CNTN5: variants seen among roughly 807,000 people sequenced by gnomAD.
CNTN5 encodes contactin 5.
A neutral mutation model predicts 129.1 loss-of-function variants in CNTN5; 77 were observed. The observed-to-expected ratio is 0.60, with a 90% CI of 0.50 to 0.72. The LOEUF is 0.72. Among genes scored for constraint, CNTN5 ranks in the 30% least tolerant of loss-of-function variants. The probability of loss-of-function intolerance (pLI) is 0.00; values close to 1 mark genes in which losing one functional copy is unlikely to be tolerated. For missense variants in CNTN5, 1,478 were observed against 1,328.8 expected (o/e 1.11, Z -1.75); for synonymous variants, 509 against 465.6 (o/e 1.09, Z -1.20).
chr11:100,200,886 A>G (rs1363806144), intron 15 of CNTN5, among the ~76,000 whole-genome samples: 2 of 151,938 alleles, frequency 1.3e-5, no homozygotes, highest in Admixed American at 6.6e-5. Context: ...CTAGGACTGT[A>G]TATGTTTTCT....
chr11:99,985,932 C>A (rs1310736990), intron 8 of CNTN5, among the ~76,000 whole-genome samples: 1 of 151,362 alleles, frequency 6.6e-6, no homozygotes, highest in East Asian at 1.9e-4. Flanking sequence ...ATCTTAGCCA[C>A]CCTTTCCTGT....
At chr11:99,450,768 G>GTTTTTTTTT (rs34146715) in intron 2 of CNTN5, among the ~76,000 whole-genome samples, 9 of 104,988 alleles carry the variant, frequency 8.6e-5, no homozygotes, top group African/African-American at 1.4e-4. Context: ...ATTGAAGCAA[G>GTTTTTTTTT]TTTTTTTTTT....
intron 2 of CNTN5, among the ~76,000 whole-genome samples, chr11:99,544,712 C>T (rs1948234820): frequency 6.6e-6 from 1 of 152,106 alleles, no homozygotes; most frequent in African/African-American, 2.4e-5. Context: ...TCTGCAAAGG[C>T]TGGTGCTACC....
At chr11:99,764,149 A>C (rs1342259699) in intron 3 of CNTN5, among the ~76,000 whole-genome samples, 1 of 152,128 alleles carries the variant, frequency 6.6e-6, no homozygotes, top group Non-Finnish European at 1.5e-5. Flanking sequence ...CTATATGAGC[A>C]GAAAATTTTG....
chr11:99,535,872 T>G (rs1178131698), intron 2 of CNTN5, among the ~76,000 whole-genome samples: 1 of 152,168 alleles, frequency 6.6e-6, no homozygotes, highest in East Asian at 1.9e-4. Context: ...ATTAACTCAC[T>G]AAAATATTAC....
At chr11:99,074,395 T>A (rs1865475334) in intron 1 of CNTN5, among the ~76,000 whole-genome samples, 2 of 152,198 alleles carry the variant, frequency 1.3e-5, no homozygotes, top group Non-Finnish European at 2.9e-5. Context: ...ATCCAATTAG[T>A]CAATTTTGGC....
intron 13 of CNTN5, among the ~76,000 whole-genome samples, chr11:100,108,122 C>G (rs1427001590): frequency 6.6e-6 from 1 of 151,268 alleles, no homozygotes; most frequent in Non-Finnish European, 1.5e-5. Flanking sequence ...TGAGGTCATA[C>G]TTGTGCAAAT....
intron 1 of CNTN5, among the ~76,000 whole-genome samples, chr11:99,239,958 T>G (rs10892968): frequency 0.15 from 23,200 of 150,094 alleles, 1,932 homozygotes; most frequent in South Asian, 0.26. Flanking sequence ...AAAAAAAAAT[T>G]TAAAAAGCGA....
chr11:99,146,195 C>T (rs898956587), intron 1 of CNTN5, among the ~76,000 whole-genome samples: 6 of 152,022 alleles, frequency 3.9e-5, no homozygotes, highest in Non-Finnish European at 8.8e-5. Context: ...AGCCAGTATT[C>T]CCTTCTCCAA....
intron 3 of CNTN5, among the ~76,000 whole-genome samples, chr11:99,565,822 T>C (rs1479848394): frequency 6.6e-6 from 1 of 152,154 alleles, no homozygotes; most frequent in Non-Finnish European, 1.5e-5. Context: ...ATCTTTCCAT[T>C]GTCAGTACAT....
At chr11:99,608,961 C>T (rs1950515579) in intron 3 of CNTN5, among the ~76,000 whole-genome samples, 1 of 152,156 alleles carries the variant, frequency 6.6e-6, no homozygotes, top group Non-Finnish European at 1.5e-5. Context: ...TTAATTTCAA[C>T]ACTTATTCTC....
At chr11:99,517,511 T>A (rs1232706434) in intron 2 of CNTN5, among the ~76,000 whole-genome samples, 1 of 152,104 alleles carries the variant, frequency 6.6e-6, no homozygotes, top group East Asian at 1.9e-4. Context: ...AGGTTTATAT[T>A]CACACATTCT....
chr11:99,835,920 A>G (rs1947287494), intron 4 of CNTN5, among the ~76,000 whole-genome samples: 1 of 152,146 alleles, frequency 6.6e-6, no homozygotes, highest in African/African-American at 2.4e-5. Context: ...AGGTCCGGAT[A>G]CAGACCCCAA....
rs77435025 is a variant in CNTN5, at chr11:99,557,071, A to G, written c.55+802A>G. 3.2e-3 allele frequency among the ~76,000 whole-genome samples: 487 copies of G among 151,444 alleles called. 4 individuals are homozygous for G. Among genetic ancestry groups the G allele is most frequent in the African/African-American group, 0.011 (467 of 41,534 alleles). ...TGTGGGCTAAATTTAGGTAGTATGT[A>G]TGGTAAGAGAGTCTGAAATAAAATG... On this transcript the variant is annotated intron_variant, in intron 3 of 24. Transcript: ENST00000524871.
chr11:99,537,689 G>A (rs537277719), intron 2 of CNTN5, among the ~76,000 whole-genome samples: 92 of 152,196 alleles, frequency 6.0e-4, no homozygotes, highest in African/African-American at 2.1e-3. Context: ...GTTGTCTGTG[G>A]CATTTTATTG....
At chr11:99,239,880 T>G (rs1398125078) in intron 1 of CNTN5, among the ~76,000 whole-genome samples, 8 of 144,656 alleles carry the variant, frequency 5.5e-5, no homozygotes, top group African/African-American at 1.8e-4. Context: ...GAGCTTGCAG[T>G]GAGCCGAGAT....
intron 13 of CNTN5, among the ~76,000 whole-genome samples, chr11:100,087,269 T>A (rs11828264): frequency 0.015 from 2,272 of 151,764 alleles, 28 homozygotes; most frequent in Non-Finnish European, 0.022. Context: ...AAAAATGATA[T>A]TTCAAATTGA....
At chr11:100,147,674 C>G (rs1357092848) in intron 13 of CNTN5, among the ~76,000 whole-genome samples, 1 of 151,500 alleles carries the variant, frequency 6.6e-6, no homozygotes, top group African/African-American at 2.4e-5. Context: ...TTGTCCCTTT[C>G]CTTCTATTAT....
intron 18 of CNTN5, among the ~76,000 whole-genome samples, chr11:100,284,366 C>A (rs534094417): frequency 2.7e-4 from 41 of 152,258 alleles, no homozygotes; most frequent in South Asian, 1.2e-3. Context: ...TATTTTCTTA[C>A]AAGTTTTAGT....
Sources: gnomAD v4.1 joint callset for allele counts (sites outside exome capture counted in the v4.1 genomes callset) on GRCh38, gnomAD v4.1.1 for gene constraint, MANE v1.5 for transcripts, NCBI Gene and HGNC (gene_info 2026-07-23, HGNC 2026-07-21) for gene names.